Variants in PKNOX2 observed in about 807,000 individuals in gnomAD.
PKNOX2 encodes homeobox protein PKNOX2.
A neutral mutation model predicts 53.1 loss-of-function variants in PKNOX2; 14 were observed. The observed-to-expected ratio is 0.26, with a 90% CI of 0.17 to 0.41. The LOEUF (loss-of-function observed/expected upper bound fraction) is 0.41. PKNOX2 is among the 10% of genes least tolerant of loss of function. PKNOX2 has a pLI of 1.00. For missense variants in PKNOX2, 496 were observed against 602.8 expected (o/e 0.82, Z 1.85); for synonymous variants, 257 against 242.8 (o/e 1.06, Z -0.54).
chr11:125,313,247 G>A (rs1948941662), intron 2 of PKNOX2, among the ~76,000 whole-genome samples: 1 of 152,216 alleles, frequency 6.6e-6, no homozygotes, highest in African/African-American at 2.4e-5. Context: ...GAACATGGAA[G>A]AAAGGAGCAG....
chr11:125,297,303 C>T (rs746144819), intron 2 of PKNOX2, among the ~76,000 whole-genome samples: 3 of 152,196 alleles, frequency 2.0e-5, no homozygotes, highest in African/African-American at 4.8e-5. Context: ...TGTTCTCATT[C>T]ACTGATCCAT....
At chr11:125,271,533 G>T (rs1029444552) in intron 2 of PKNOX2, among the ~76,000 whole-genome samples, 1 of 152,166 alleles carries the variant, frequency 6.6e-6, no homozygotes, top group East Asian at 1.9e-4. Context: ...GTTTTCATTT[G>T]TTCATTCAGT....
chr11:125,203,306 C>T (rs1938665682), intron 1 of PKNOX2, among the ~76,000 whole-genome samples: 1 of 152,208 alleles, frequency 6.6e-6, no homozygotes, highest in South Asian at 2.1e-4. Flanking sequence ...CAAGGTCTCG[C>T]TATGTTGGCC....
At chr11:125,310,149 C>G (rs1948715914) in intron 2 of PKNOX2, among the ~76,000 whole-genome samples, 1 of 152,168 alleles carries the variant, frequency 6.6e-6, no homozygotes, top group African/African-American at 2.4e-5. Flanking sequence ...TTTGACATGA[C>G]TGTTTTTCAG....
In PKNOX2 at chr11:125,389,331, G is replaced by A. The variant is rs888014907; in HGVS notation, c.399+3609G>A. ...CAGGTCAGCTGACTCCTGATCCTCC[G>A]CTCTGCCCACAACATCACACCACCA... is the stretch of plus-strand genomic sequence containing the variant. On this transcript the variant is annotated intron_variant, in intron 6 of 12. Coordinates refer to ENST00000298282, the MANE Select transcript of PKNOX2 (RefSeq NM_001382323.2). Among the ~76,000 whole-genome samples, 5 of 152,074 alleles carry A rather than the reference G, an allele frequency of 3.3e-5. No homozygotes were observed. The East Asian group carries it at 5.8e-4, about 18-fold the overall frequency.
intron 2 of PKNOX2, among the ~76,000 whole-genome samples, chr11:125,316,263 C>G (rs1399389041): frequency 6.6e-6 from 1 of 152,188 alleles, no homozygotes; most frequent in Non-Finnish European, 1.5e-5. Context: ...CTGTCTTGAC[C>G]TGAGAACCTC....
At chr11:125,322,406 G>C (rs1387509256) in intron 2 of PKNOX2, among the ~76,000 whole-genome samples, 1 of 152,110 alleles carries the variant, frequency 6.6e-6, no homozygotes, top group African/African-American at 2.4e-5. Flanking sequence ...CCCCTCCACT[G>C]CCTGTCCTCT....
At chr11:125,405,018 T>C (rs1051563956) in intron 7 of PKNOX2, among the ~76,000 whole-genome samples, 9 of 152,022 alleles carry the variant, frequency 5.9e-5, no homozygotes, top group African/African-American at 2.2e-4. Flanking sequence ...CTTTGGTGAG[T>C]GTGGTCTGAG....
chr11:125,194,271 C>T (rs780199163), intron 1 of PKNOX2, among the ~76,000 whole-genome samples: 13 of 152,328 alleles, frequency 8.5e-5, no homozygotes, highest in South Asian at 2.1e-4. Context: ...CAGTTGGCAT[C>T]CCCTTCCCCA....
At chr11:125,365,985 G>A (rs990797632) in intron 4 of PKNOX2, among the ~76,000 whole-genome samples, 1 of 152,230 alleles carries the variant, frequency 6.6e-6, no homozygotes, top group African/African-American at 2.4e-5. Context: ...ATTAGTGAAT[G>A]AAGGAATGAA....
intron 3 of PKNOX2, among the ~76,000 whole-genome samples, chr11:125,343,416 G>T (rs1414637253): frequency 1.3e-5 from 2 of 151,158 alleles, no homozygotes; most frequent in Non-Finnish European, 2.9e-5. Flanking sequence ...GTTTTATTTT[G>T]TTTAAAGGAA....
At chr11:125,247,196 A>AC (rs1353599992) in intron 2 of PKNOX2, among the ~76,000 whole-genome samples, 2 of 151,970 alleles carry the variant, frequency 1.3e-5, no homozygotes, top group Non-Finnish European at 2.9e-5. Context: ...GGGCTTCTGT[A>AC]CCCCTTTGTT....
chr11:125,397,752 A>G (rs1954495156), intron 6 of PKNOX2, 122 bp from the exon 7 acceptor site: 1 of 1,005,944 alleles, frequency 9.9e-7, no homozygotes, highest in Non-Finnish European at 1.5e-6. Context: ...GATCAAGTGT[A>G]GGAAGCATGA....
At chr11:125,275,981 A>G (rs1244980820) in intron 2 of PKNOX2, among the ~76,000 whole-genome samples, 1 of 152,214 alleles carries the variant, frequency 6.6e-6, no homozygotes, top group Non-Finnish European at 1.5e-5. Context: ...GGGATGCTCC[A>G]GTATTTTTAG....
At chr11:125,172,924 G>A (rs1955435281) in intron 1 of PKNOX2, among the ~76,000 whole-genome samples, 1 of 152,172 alleles carries the variant, frequency 6.6e-6, no homozygotes, top group South Asian at 2.1e-4. Context: ...CCATGAGGCA[G>A]CAATTTCAGT....
intron 1 of PKNOX2, among the ~76,000 whole-genome samples, chr11:125,176,726 T>C (rs1955733456): frequency 6.6e-6 from 1 of 152,088 alleles, no homozygotes; most frequent in Non-Finnish European, 1.5e-5. Context: ...AACCCCTTCT[T>C]CCCCAGCATC....
intron 2 of PKNOX2, among the ~76,000 whole-genome samples, chr11:125,322,918 G>C (rs993381616): frequency 2.6e-5 from 4 of 152,206 alleles, no homozygotes; most frequent in Non-Finnish European, 5.9e-5. Flanking sequence ...AAAGTTAACG[G>C]ATGGGATTGG....
chr11:125,272,751 G>A (rs921184151), intron 2 of PKNOX2, among the ~76,000 whole-genome samples: 6 of 152,136 alleles, frequency 3.9e-5, no homozygotes, highest in Non-Finnish European at 5.9e-5. Flanking sequence ...TTTTTCCCAC[G>A]GACTCCCAGT....
At chr11:125,416,025 C>T (rs1214002216) in intron 10 of PKNOX2, among the ~76,000 whole-genome samples, 9 of 152,050 alleles carry the variant, frequency 5.9e-5, no homozygotes, top group Admixed American at 4.6e-4. Flanking sequence ...AATTACAGGC[C>T]GGGTGCGGTG....
Sources: gnomAD v4.1 joint callset for allele counts (sites outside exome capture counted in the v4.1 genomes callset) on GRCh38, gnomAD v4.1.1 for gene constraint, MANE v1.5 for transcripts, NCBI Gene and HGNC (gene_info 2026-07-23, HGNC 2026-07-21) for gene names.